Variants in FRAS1 observed in about 807,000 individuals in gnomAD.
FRAS1 encodes the protein extracellular matrix organizing protein FRAS1.
FRAS1 carries 290 observed loss-of-function variants against 435.2 expected under a neutral mutation model. That is an observed-to-expected ratio of 0.67 (90% CI 0.61 to 0.73). The LOEUF (loss-of-function observed/expected upper bound fraction) is 0.73. Ranked by LOEUF, FRAS1 falls within the 30% of genes least tolerant of loss-of-function variation. The pLI is 0.00. For synonymous variants in FRAS1, 1,800 were observed against 1,851.0 expected, an observed-to-expected ratio of 0.97 and a Z score of 0.71; for missense variants, 4,860 against 5,001.5, an observed-to-expected ratio of 0.97 and a Z score of 0.85.
intron 52 of FRAS1, 104 bp from the exon 53 acceptor site, chr4:78,473,334 G>T (rs1719764026): frequency 1.2e-6 from 1 of 832,278 alleles, no homozygotes; most frequent in East Asian, 2.7e-5. Context: ...AATAAGTTTT[G>T]TCTGTAATAC....
chr4:78,499,829 G>A lies in FRAS1; in HGVS notation c.9224G>A (p.Arg3075Lys). Residue 3075 changes from arginine to lysine, a missense_variant, in exon 61 of 74, where the codon AGG becomes AAG. Physicochemically the swap from Arg to Lys is conservative, Grantham distance 26 (BLOSUM62 2). Transcript: ENST00000512123. ...IKVIRRGDQNRTSKVRCSTRD... is the reference protein window; with the variant it reads ...IKVIRRGDQNKTSKVRCSTRD... Reference sequence around the variant, plus strand: ...GTGATCCGCAGAGGGGATCAGAACAGGACCTCCAAGGTTCGCTGCAGCACG... The same window carrying A: ...GTGATCCGCAGAGGGGATCAGAACAAGACCTCCAAGGTTCGCTGCAGCACG... 1 of 1,613,774 alleles carries A rather than the reference G, an allele frequency of 6.2e-7. No individual in the cohort carries two copies. Among genetic ancestry groups the A allele is most frequent in the Non-Finnish European group, 8.5e-7 (1 of 1,179,702 alleles).
chr4:78,539,400 G>C lies in FRAS1; in HGVS notation c.11405G>C (p.Gly3802Ala). The C allele has an allele frequency of 3.7e-6, 6 of 1,611,512 alleles. No individual in the cohort carries two copies. Among genetic ancestry groups the C allele is most frequent in the Non-Finnish European group, 5.1e-6 (6 of 1,179,028 alleles). The change falls in exon 73 of 74, where the codon GGT becomes GCT. Residue 3802 changes from glycine (G) to alanine (A), a missense_variant. Transcript: ENST00000512123. Reference sequence around the variant, plus strand: ...TTCCATGTGGTCAGTAACATGCCAGGTGTGGATGGATTTACTCTAAAAGTA... The same window carrying C: ...TTCCATGTGGTCAGTAACATGCCAGCTGTGGATGGATTTACTCTAAAAGTA... ...PDFHVVSNMPGVDGFTLKVDA... is the reference protein window; with the variant it reads ...PDFHVVSNMPAVDGFTLKVDA...
At chr4:78,120,552 C>T (rs189748575) in intron 2 of FRAS1, among the ~76,000 whole-genome samples, 61 of 152,260 alleles carry the variant, frequency 4.0e-4, no homozygotes, top group Admixed American at 1.3e-3. Context: ...TCTCCATTGG[C>T]GTCTAGACCA....
intron 47 of FRAS1, among the ~76,000 whole-genome samples, chr4:78,456,742 A>G (rs545196115): frequency 6.6e-6 from 1 of 152,346 alleles, no homozygotes; most frequent in African/African-American, 2.4e-5. Context: ...TGCTATTAAC[A>G]AATGTCCAGC....
intron 33 of FRAS1, among the ~76,000 whole-genome samples, chr4:78,421,110 A>C (rs904229892): frequency 1.9e-4 from 29 of 151,444 alleles, no homozygotes; most frequent in African/African-American, 7.0e-4. Context: ...AAGCCAGTCT[A>C]GTCTTTTCAT....
At chr4:78,156,051 A>G (rs1720869296) in intron 2 of FRAS1, among the ~76,000 whole-genome samples, 2 of 152,156 alleles carry the variant, frequency 1.3e-5, no homozygotes, top group South Asian at 4.1e-4. Flanking sequence ...GACCAGTTCT[A>G]AAATAGAGTC....
rs781685298 is a variant in FRAS1 at position 78,464,035 on chromosome 4, T to C, written c.6778T>C (p.Ser2260Pro). ...HAASPGIQISSFTQADLTSRN... is the reference protein window; with the variant it reads ...HAASPGIQISPFTQADLTSRN... ...CCTTTTTCTAGGTATCCAGATTAGTTCCTTTACTCAAGCTGATCTGACTTC... is the reference window on the plus strand; with the variant it reads ...CCTTTTTCTAGGTATCCAGATTAGTCCCTTTACTCAAGCTGATCTGACTTC... The change falls in exon 48 of 74, where the codon TCC (serine) becomes CCC (proline). Residue 2260 changes from serine (S) to proline (P), a missense_variant. Ser to Pro is a moderately conservative substitution (Grantham distance 74, BLOSUM62 -1). Transcript: ENST00000512123. The C allele has an allele frequency of 6.2e-7, 1 of 1,613,248 alleles. No individual in the cohort carries two copies.
At chr4:78,479,807 G>T in intron 56 of FRAS1, 89 bp downstream of exon 56, 2 of 1,043,852 alleles carry the variant, frequency 1.9e-6, no homozygotes, top group Non-Finnish European at 1.3e-6. Flanking sequence ...ATATCCGGGA[G>T]ACATTGAGAA....
At chr4:78,312,524 T>G (rs1206383705) in intron 15 of FRAS1, among the ~76,000 whole-genome samples, 4 of 152,098 alleles carry the variant, frequency 2.6e-5, no homozygotes. Context: ...TTTACTGAAT[T>G]CTTAAGAAAA....
intron 30 of FRAS1, among the ~76,000 whole-genome samples, chr4:78,407,352 C>A (rs754853262): frequency 6.6e-6 from 1 of 152,180 alleles, no homozygotes; most frequent in Non-Finnish European, 1.5e-5. Flanking sequence ...GAGTATTTGT[C>A]TATAGTATTT....
At chr4:78,081,235 A>G (rs1028356805) in intron 2 of FRAS1, among the ~76,000 whole-genome samples, 2 of 152,202 alleles carry the variant, frequency 1.3e-5, no homozygotes, top group African/African-American at 4.8e-5. Context: ...AATCTAGACC[A>G]GCAACTTCAA....
rs2110045798 is a variant in FRAS1, at chr4:78,177,591, C to G, written c.109-59919C>G. Among the ~76,000 whole-genome samples, 2 of 152,272 alleles carry G rather than the reference C, an allele frequency of 1.3e-5. 1 individual carries two copies. The highest frequency in any genetic ancestry group is 3.9e-4 in the East Asian group (2 of 5,172). ...TCTCTGGGTGAGGTCAGTTGGGAGT[C>G]TCTGGGTCCTGAATCACTGCTGGCA... On this transcript the variant is annotated intron_variant, in intron 2 of 73. Transcript: ENST00000512123.
intron 26 of FRAS1, among the ~76,000 whole-genome samples, chr4:78,376,718 T>C (rs1429834341): frequency 6.6e-6 from 1 of 152,092 alleles, no homozygotes; most frequent in African/African-American, 2.4e-5. Context: ...CGGCCGGGCA[T>C]GGTGGCTCAC....
chr4:78,062,038 T>C (rs147351167), intron 1 of FRAS1, among the ~76,000 whole-genome samples: 2 of 152,338 alleles, frequency 1.3e-5, no homozygotes, highest in East Asian at 1.9e-4. Context: ...CCTCTGAAGA[T>C]TGGATTCTGG....
chr4:78,477,713 C>G lies in FRAS1; in HGVS notation c.7852-102C>G, dbSNP rs1017337797. On this transcript the variant is annotated intron_variant, in intron 54 of 73. Coordinates refer to ENST00000512123, the MANE Select transcript of FRAS1 (RefSeq NM_025074.7). ...AGAACCAGCTATTTCAGTCAGTGCT[C>G]TGCCCACTGGACTTGGATGCTCTTT... The G allele has an allele frequency of 9.8e-6, 14 of 1,425,220 alleles. No individual in the cohort carries two copies. The African/African-American group carries it at 2.0e-4, about 20-fold the overall frequency. The allele number at this position is 1,425,220 out of a possible 1,614,324, so 88.3% of individuals were successfully genotyped here.
At chr4:78,338,237 C>T (rs1730255331) in intron 20 of FRAS1, among the ~76,000 whole-genome samples, 1 of 151,844 alleles carries the variant, frequency 6.6e-6, no homozygotes, top group Non-Finnish European at 1.5e-5. Context: ...GAGAGATTAA[C>T]CTAAAAGTAG....
chr4:78,057,849 G>A lies in FRAS1; in HGVS notation c.-161G>A, dbSNP rs2109834361. The A allele has an allele frequency of 1.6e-6, 1 of 638,738 alleles. No individual in the cohort carries two copies. The highest frequency in any genetic ancestry group is 1.9e-5 in the South Asian group (1 of 52,568). The allele number at this position is 638,738 out of a possible 1,614,324, so 39.6% of individuals were successfully genotyped here. On this transcript the variant is annotated 5_prime_UTR_variant, in exon 1 of 74. The change creates a new upstream start codon in the 5' untranslated region. Transcript: ENST00000512123. This position sits in a 1 kb window ranked among gnomAD's most constrained non-coding sequence, Gnocchi z 4.2. The stretch of plus-strand genomic sequence containing the variant: ...CGCTCCGGCGCCTCCGGGCTGATGA[G>A]TGTCGCTCTCCGCCCGTCCATCTCT...
At chr4:78,411,198 C>T (rs1733322272) in intron 31 of FRAS1, among the ~76,000 whole-genome samples, 3 of 151,526 alleles carry the variant, frequency 2.0e-5, no homozygotes, top group African/African-American at 4.9e-5. Context: ...GCAACCTCCA[C>T]CTCCCAGGTT....
chr4:78,190,459 C>T (rs1251515411), intron 2 of FRAS1, among the ~76,000 whole-genome samples: 7 of 150,100 alleles, frequency 4.7e-5, no homozygotes, highest in Admixed American at 6.6e-5. Context: ...TTTTTTTTTT[C>T]TTCCCATTGT....
Sources: gnomAD v4.1 joint callset for allele counts (sites outside exome capture counted in the v4.1 genomes callset) on GRCh38, gnomAD v4.1.1 for gene constraint, Gnocchi (gnomAD v3.1) non-coding constraint, MANE v1.5 for transcripts, NCBI Gene and HGNC (gene_info 2026-07-23, HGNC 2026-07-21) for gene names.